The following ADGRB3 variants were observed in gnomAD, a reference collection of about 807,000 sequenced individuals.
ADGRB3 encodes the protein adhesion G protein-coupled receptor B3, also known as brain-specific angiogenesis inhibitor 3.
ADGRB3 carries 37 observed loss-of-function variants against 193.4 expected under a neutral mutation model. That is an observed-to-expected ratio of 0.19 (90% CI 0.15 to 0.25). The LOEUF is 0.25. Among genes scored for constraint, ADGRB3 ranks in the 10% least tolerant of loss-of-function variants. The probability of loss-of-function intolerance (pLI) is 1.00; values close to 1 mark genes in which losing one functional copy is unlikely to be tolerated. For synonymous variants in ADGRB3, 690 were observed against 644.2 expected (o/e 1.07, Z -1.08); for missense variants, 1,637 against 1,852.9 (o/e 0.88, Z 2.14).
chr6:68,905,500 T>C (rs1168877613), intron 3 of ADGRB3, among the ~76,000 whole-genome samples: 1 of 152,230 alleles, frequency 6.6e-6, no homozygotes, highest in Non-Finnish European at 1.5e-5. Flanking sequence ...ATGTATTTTG[T>C]AGCAAATAGG....
chr6:69,273,673 GT>G (rs1767229023), intron 20 of ADGRB3, among the ~76,000 whole-genome samples: 1 of 152,184 alleles, frequency 6.6e-6, no homozygotes. Context: ...CAGCTTTCAA[GT>G]TTCTTTGTGT....
intron 8 of ADGRB3, among the ~76,000 whole-genome samples, chr6:68,957,146 ATGTG>A (rs1768098615): frequency 6.6e-6 from 1 of 152,200 alleles, no homozygotes; most frequent in Non-Finnish European, 1.5e-5. Context: ...TCTGACCTTG[ATGTG>A]TGACCTTGAT....
chr6:68,670,370 G>T (rs1171146922), intron 3 of ADGRB3, among the ~76,000 whole-genome samples: 1 of 151,862 alleles, frequency 6.6e-6, no homozygotes, highest in Non-Finnish European at 1.5e-5. Flanking sequence ...ATTTTCCCCA[G>T]TGTTTTCTTG....
At chr6:68,794,451 C>T (rs1178633464) in intron 3 of ADGRB3, among the ~76,000 whole-genome samples, 3 of 151,986 alleles carry the variant, frequency 2.0e-5, no homozygotes, top group East Asian at 1.9e-4. Flanking sequence ...TGCTCTTCTG[C>T]GATCTGAGAT....
intron 3 of ADGRB3, among the ~76,000 whole-genome samples, chr6:68,743,666 A>T (rs985204144): frequency 6.6e-6 from 1 of 152,164 alleles, no homozygotes; most frequent in Non-Finnish European, 1.5e-5. Flanking sequence ...AATATGAGAA[A>T]TAAAACTGAC....
intron 8 of ADGRB3, among the ~76,000 whole-genome samples, chr6:68,966,607 T>A (rs1768387544): frequency 1.3e-5 from 2 of 151,800 alleles, no homozygotes; most frequent in South Asian, 4.1e-4. Context: ...AACCTGGACA[T>A]CCCTCTGGAA....
chr6:69,030,814 G>A (rs1405249447), intron 13 of ADGRB3, among the ~76,000 whole-genome samples: 2 of 152,014 alleles, frequency 1.3e-5, no homozygotes, highest in African/African-American at 4.8e-5. Flanking sequence ...AACATTTTGG[G>A]TTTGAGTTTT....
rs961628679 is a variant in ADGRB3, at chr6:69,177,695, A to G, written c.2481-55595A>G. 3.3e-5 allele frequency among the ~76,000 whole-genome samples: 5 copies of G among 152,352 alleles called. No homozygotes were observed. In the South Asian group the frequency reaches 6.2e-4, roughly 19 times the overall value. Reference sequence around the variant, plus strand: ...TCTGCCTTAAGTTTGTTGTTTACCCAAAAGTCATTCAGGACCAAGTTGTTT... The same window carrying G: ...TCTGCCTTAAGTTTGTTGTTTACCCGAAAGTCATTCAGGACCAAGTTGTTT... On this transcript the variant is annotated intron_variant, in intron 17 of 31. Coordinates refer to ENST00000370598, the MANE Select transcript of ADGRB3 (RefSeq NM_001704.3).
chr6:68,654,159 T>A (rs143928469), intron 3 of ADGRB3, among the ~76,000 whole-genome samples: 240 of 152,176 alleles, frequency 1.6e-3, no homozygotes, highest in East Asian at 0.013. Flanking sequence ...ATAATTAACA[T>A]CCCCTTTGAG....
chr6:69,012,377 A>G (rs996582950), intron 11 of ADGRB3, among the ~76,000 whole-genome samples: 4 of 152,040 alleles, frequency 2.6e-5, no homozygotes, highest in Admixed American at 6.6e-5. Context: ...TGGCATGTAC[A>G]GGGATAAAAC....
At position 68,777,387 on chromosome 6, in the gene ADGRB3, A is replaced by G. The variant is rs149895671; in HGVS notation, c.757+137955A>G. Among the ~76,000 whole-genome samples, 9 of 152,174 alleles carry G rather than the reference A, an allele frequency of 5.9e-5. No individual in the cohort carries two copies. The East Asian group carries it at 1.5e-3, about 26-fold the overall frequency. On this transcript the variant is annotated intron_variant, in intron 3 of 31. Transcript: ENST00000370598. ...AAAATTCTGCTAGGAATGTAGAAAT[A>G]TATTTTTTTTGGCAAATTATTTTTC...
intron 3 of ADGRB3, among the ~76,000 whole-genome samples, chr6:68,868,235 A>T (rs1765358437): frequency 6.6e-6 from 1 of 152,112 alleles, no homozygotes; most frequent in Admixed American, 6.5e-5. Context: ...AGAGTGAGTT[A>T]GTTCTATGAG....
At chr6:68,702,491 C>A (rs1765257330) in intron 3 of ADGRB3, among the ~76,000 whole-genome samples, 1 of 152,106 alleles carries the variant, frequency 6.6e-6, no homozygotes, top group African/African-American at 2.4e-5. Context: ...GAAATATAGT[C>A]TTTGACTGCA....
intron 17 of ADGRB3, chr6:69,233,033 T>C (rs1290526816): frequency 5.9e-6 from 3 of 512,686 alleles, no homozygotes; most frequent in Non-Finnish European, 1.0e-5. Flanking sequence ...TGGACAGAGC[T>C]AGTCCCGGTT....
chr6:68,721,637 TA>T (rs1765583397), intron 3 of ADGRB3, among the ~76,000 whole-genome samples: 7 of 136,368 alleles, frequency 5.1e-5, no homozygotes, highest in African/African-American at 2.3e-4. Flanking sequence ...AATATATATA[TA>T]TATATATATA....
intron 20 of ADGRB3, among the ~76,000 whole-genome samples, chr6:69,253,905 C>T (rs1354158328): frequency 6.6e-6 from 1 of 151,854 alleles, no homozygotes; most frequent in African/African-American, 2.4e-5. Flanking sequence ...CCATTTTTTT[C>T]TTTAGGCATA....
At chr6:69,151,810 C>T (rs1024372598) in intron 17 of ADGRB3, among the ~76,000 whole-genome samples, 4 of 152,190 alleles carry the variant, frequency 2.6e-5, no homozygotes, top group Admixed American at 6.5e-5. Context: ...ATCCAAATCT[C>T]ATCTTTAATT....
intron 20 of ADGRB3, among the ~76,000 whole-genome samples, chr6:69,318,871 A>G (rs539325495): frequency 6.7e-6 from 1 of 150,260 alleles, no homozygotes; most frequent in African/African-American, 2.4e-5. Context: ...GTATATATAT[A>G]TATATGTATG....
chr6:69,115,696 G>A (rs1582472018), intron 17 of ADGRB3, among the ~76,000 whole-genome samples: 1 of 152,206 alleles, frequency 6.6e-6, no homozygotes, highest in African/African-American at 2.4e-5. Flanking sequence ...CAGCCATGGA[G>A]ATGTGCCACT....
Sources: allele counts gnomAD v4.1 joint callset (sites outside exome capture counted in the v4.1 genomes callset), GRCh38; gene constraint gnomAD v4.1.1; transcripts MANE v1.5; gene names NCBI Gene and HGNC (gene_info 2026-07-23, HGNC 2026-07-21).